The following PRICKLE2 variants were observed in gnomAD, a reference collection of about 807,000 sequenced individuals.
PRICKLE2 encodes prickle-like protein 2.
PRICKLE2 carries 21 observed loss-of-function variants against 81.4 expected under a neutral mutation model. The ratio of observed to expected loss-of-function variants is 0.26; its 90% CI spans 0.18 to 0.37. The LOEUF (loss-of-function observed/expected upper bound fraction) is 0.37. Among genes scored for constraint, PRICKLE2 ranks in the 10% least tolerant of loss-of-function variants. The pLI, the probability that PRICKLE2 is intolerant of heterozygous loss-of-function variation, is 1.00. For synonymous variants in PRICKLE2, 456 were observed against 421.5 expected, an observed-to-expected ratio of 1.08 and a Z score of -1.00; for missense variants, 940 against 1,109.0, an observed-to-expected ratio of 0.85 and a Z score of 2.16.
At chr3:64,185,268 G>A (rs535816259) in intron 2 of PRICKLE2, among the ~76,000 whole-genome samples, 1 of 152,068 alleles carries the variant, frequency 6.6e-6, no homozygotes, top group Non-Finnish European at 1.5e-5. Flanking sequence ...CAGGATTGTA[G>A]GGAAGTTAAT....
chr3:64,199,961 T>C (rs2078540934), intron 1 of PRICKLE2: 1 of 152,234 alleles, frequency 6.6e-6, no homozygotes, highest in South Asian at 2.1e-4. Flanking sequence ...TGCCTGAACG[T>C]TCTGATAACA....
In PRICKLE2 at chr3:64,153,166, C is replaced by A; in HGVS notation, c.787+16G>T. On this transcript the variant is annotated intron_variant, in intron 6 of 7. Transcript: ENST00000638394. ...CATCACAGAAGGACCAAGCTGACTG[C>A]CAAATATTGCCTCACCTATATGTTG... 2 of 1,613,594 alleles carry A rather than the reference C, an allele frequency of 1.2e-6. No individual in the cohort carries two copies. Among genetic ancestry groups the A allele is most frequent in the Non-Finnish European group, 1.7e-6 (2 of 1,179,566 alleles).
chr3:64,226,717 G>C (rs1258168422), upstream of PRICKLE2, among the ~76,000 whole-genome samples: 1 of 152,238 alleles, frequency 6.6e-6, no homozygotes, highest in Non-Finnish European at 1.5e-5. Flanking sequence ...CCTAGCATCT[G>C]AGTATTTCCA....
At position 64,095,352 on chromosome 3, in the gene PRICKLE2, G is replaced by T. The variant is rs1044740155; in HGVS notation, c.*3699C>A. Reference sequence around the variant, plus strand: ...GCTTCCTAAACTGTTTTTGTTCTACGGCAAGAGAACCAAGAGTGGAAAGAC... The same window carrying T: ...GCTTCCTAAACTGTTTTTGTTCTACTGCAAGAGAACCAAGAGTGGAAAGAC... On this transcript the variant is annotated 3_prime_UTR_variant, in exon 8 of 8. Coordinates refer to ENST00000638394, the MANE Select transcript of PRICKLE2 (RefSeq NM_198859.4). 3 of 152,114 alleles carry T rather than the reference G, an allele frequency of 2.0e-5. No individual in the cohort carries two copies. Among genetic ancestry groups the T allele is most frequent in the Admixed American group, 2.0e-4 (3 of 15,276 alleles). 9.4% of individuals were successfully genotyped at this position (152,114 alleles called of 1,614,324 possible). A position where few individuals can be genotyped will look rare whatever the true frequency, so the allele number is the denominator to read the frequency against.
chr3:64,145,159 G>A (rs1029866584), intron 7 of PRICKLE2, among the ~76,000 whole-genome samples: 13 of 146,384 alleles, frequency 8.9e-5, no homozygotes, highest in Non-Finnish European at 1.3e-4. Flanking sequence ...GAGTGCAGAG[G>A]TGGGATCATT....
In PRICKLE2 at chr3:64,157,045, G is replaced by T; in HGVS notation, c.600+117C>A. 3 of 953,408 alleles carry T rather than the reference G, an allele frequency of 3.1e-6. No individual in the cohort carries two copies. In the South Asian group the frequency reaches 4.0e-5, roughly 13 times the overall value. 59.1% of individuals were successfully genotyped at this position (953,408 alleles called of 1,614,324 possible). A position where few individuals can be genotyped will look rare whatever the true frequency, so the allele number is the denominator to read the frequency against. On this transcript the variant is annotated intron_variant, in intron 5 of 7. Coordinates refer to ENST00000638394, the MANE Select transcript of PRICKLE2 (RefSeq NM_198859.4). ...GGGCTTCTCTCCCAAAAGGGTTAATGCAAGAAAATGAAGTTGCCTATGGCT... is the reference window on the plus strand; with the variant it reads ...GGGCTTCTCTCCCAAAAGGGTTAATTCAAGAAAATGAAGTTGCCTATGGCT...
rs568026392 is a variant in PRICKLE2 at position 64,261,715 on chromosome 3, G to T, written c.129-62748C>A. ...AGGCCCAGAGGTAGGCAGAAACTTG[G>T]GCTGGCCTGTGACTGAAGCACGGGT... On this transcript the variant is annotated intron_variant, in intron 2 of 8. Coordinates refer to the PRICKLE2 transcript ENST00000295902. Among the ~76,000 whole-genome samples, 10 of 152,204 alleles carry T rather than the reference G, an allele frequency of 6.6e-5. No homozygotes were observed. The East Asian group carries it at 1.7e-3, about 27-fold the overall frequency.
At chr3:64,267,552 G>T (rs2107195728) in intron 2 of PRICKLE2, among the ~76,000 whole-genome samples, 1 of 151,144 alleles carries the variant, frequency 6.6e-6, no homozygotes, top group East Asian at 1.9e-4. Context: ...AGGGGAAAAT[G>T]AATTCTAAGA....
At chr3:64,161,605 T>C (rs1020425103) in intron 3 of PRICKLE2, among the ~76,000 whole-genome samples, 3 of 151,980 alleles carry the variant, frequency 2.0e-5, no homozygotes, top group Non-Finnish European at 4.4e-5. Flanking sequence ...CAATGGGACA[T>C]TGTAATCTGA....
chr3:64,212,613 C>G (rs1454488649), intron 1 of PRICKLE2, among the ~76,000 whole-genome samples: 2 of 152,172 alleles, frequency 1.3e-5, no homozygotes, highest in Non-Finnish European at 2.9e-5. Flanking sequence ...TCCCTAAGTA[C>G]TTAAAGGCAG....
At chr3:64,243,781 G>A (rs2079305282) in intron 2 of PRICKLE2, among the ~76,000 whole-genome samples, 1 of 152,176 alleles carries the variant, frequency 6.6e-6, no homozygotes, top group Non-Finnish European at 1.5e-5. Flanking sequence ...CTTCATCTCA[G>A]AGATGAGTAA....
chr3:64,115,035 G>T (rs1288694707), intron 7 of PRICKLE2, among the ~76,000 whole-genome samples: 3 of 152,084 alleles, frequency 2.0e-5, no homozygotes, highest in African/African-American at 7.2e-5. Context: ...AAAAGAATGG[G>T]GGCCAATATT....
intron 7 of PRICKLE2, among the ~76,000 whole-genome samples, chr3:64,114,144 GCTGAAT>G (rs2076897056): frequency 1.3e-5 from 2 of 151,756 alleles, no homozygotes; most frequent in African/African-American, 4.9e-5. Flanking sequence ...AAGCCAGTCA[GCTGAAT>G]CCATCTCATA....
intron 5 of PRICKLE2, chr3:64,154,702 T>G (rs2077601042): frequency 6.6e-6 from 1 of 152,156 alleles, no homozygotes; most frequent in Admixed American, 6.5e-5. Flanking sequence ...AAAAATAACG[T>G]AGACTTCATC....
chr3:64,129,436 T>G (rs2077166793), intron 7 of PRICKLE2, among the ~76,000 whole-genome samples: 1 of 152,172 alleles, frequency 6.6e-6, no homozygotes, highest in African/African-American at 2.4e-5. Flanking sequence ...AGCAGATCTT[T>G]GTCACCTTGG....
chr3:64,170,701 A>G (rs2598347), intron 2 of PRICKLE2, among the ~76,000 whole-genome samples: 2 of 131,532 alleles, frequency 1.5e-5, no homozygotes, highest in Middle Eastern at 4.0e-3. Flanking sequence ...CTCTAGAAAC[A>G]TTAAAAAAAA....
chr3:64,217,747 C>T (rs1035979542), intron 1 of PRICKLE2, among the ~76,000 whole-genome samples: 23 of 151,994 alleles, frequency 1.5e-4, no homozygotes, highest in African/African-American at 4.4e-4. Flanking sequence ...CAGAAAAAAA[C>T]GTGTCGATTA....
intron 7 of PRICKLE2, among the ~76,000 whole-genome samples, chr3:64,115,090 C>T (rs1049895261): frequency 4.6e-5 from 7 of 152,056 alleles, no homozygotes; most frequent in East Asian, 1.9e-4. Flanking sequence ...ATTTCATATC[C>T]GGCCAAACTA....
At chr3:64,126,902 A>G (rs2077116590) in intron 7 of PRICKLE2, among the ~76,000 whole-genome samples, 1 of 152,248 alleles carries the variant, frequency 6.6e-6, no homozygotes, top group Middle Eastern at 3.4e-3. Context: ...TAACCTCACT[A>G]AGCCTCTGTT....
Sources: gnomAD v4.1 joint callset for allele counts (sites outside exome capture counted in the v4.1 genomes callset) on GRCh38, gnomAD v4.1.1 for gene constraint, MANE v1.5 for transcripts, NCBI Gene and HGNC (gene_info 2026-07-23, HGNC 2026-07-21) for gene names.